ASMTL: variants seen among roughly 807,000 people sequenced by gnomAD.
The protein encoded by ASMTL is probable bifunctional dTTP/UTP pyrophosphatase/methyltransferase protein.
In ASMTL, 57 loss-of-function variants were observed where a neutral mutation model predicts 60.3. That is an observed-to-expected ratio of 0.95 (90% CI 0.76 to 1.18). The LOEUF (loss-of-function observed/expected upper bound fraction) is 1.18. Among genes scored for constraint, ASMTL ranks in the 50% most tolerant of loss-of-function variants. The pLI, the probability that ASMTL is intolerant of heterozygous loss-of-function variation, is 0.00. For synonymous variants in ASMTL, 419 were observed against 373.0 expected (o/e 1.12, Z -1.42); for missense variants, 981 against 852.6 (o/e 1.15, Z -1.88).
At chrX:1,429,864 C>G (rs2090720932) in intron 6 of ASMTL, among the ~76,000 whole-genome samples, 1 of 151,972 alleles carries the variant, frequency 6.6e-6, no homozygotes, top group South Asian at 2.1e-4. Flanking sequence ...TTAAATCAAG[C>G]CAATTATCCC....
chrX:1,406,861 A>G (rs1273337921), intron 12 of ASMTL, among the ~76,000 whole-genome samples: 5 of 150,966 alleles, frequency 3.3e-5, no homozygotes, highest in Admixed American at 3.3e-4. Flanking sequence ...AGATGGGTGC[A>G]TGGAACAGAT....
At chrX:1,434,686 C>T (rs1265272690) in intron 5 of ASMTL, among the ~76,000 whole-genome samples, 1 of 150,338 alleles carries the variant, frequency 6.7e-6, no homozygotes, top group African/African-American at 2.5e-5. Context: ...CACCTGTAAT[C>T]CCAGCTACTG....
intron 9 of ASMTL, among the ~76,000 whole-genome samples, chrX:1,419,530 G>A (rs1486878754): frequency 3.3e-5 from 5 of 152,084 alleles, no homozygotes; most frequent in African/African-American, 1.2e-4. Context: ...GGTGCGGTGT[G>A]CAGAGGGGGC....
At chrX:1,449,955 CCAT>C (rs2091321234) in intron 1 of ASMTL, among the ~76,000 whole-genome samples, 1 of 150,712 alleles carries the variant, frequency 6.6e-6, no homozygotes, top group Non-Finnish European at 1.5e-5. Flanking sequence ...TAAATATGCC[CCAT>C]CATCACCAGT....
Position 1,425,619 on chromosome X carries a change from C to T in ASMTL, c.966G>A (p.Ala322=), listed in dbSNP as rs192536011. 5.3e-5 allele frequency: 85 copies of T among 1,613,800 alleles called. 1 individual carries two copies. The highest frequency in any genetic ancestry group is 7.7e-5 in the South Asian group (7 of 91,072). Residue 322 remains alanine, a synonymous_variant, in exon 8 of 13, where the codon GCG becomes GCA. Coordinates refer to ENST00000381317, the MANE Select transcript of ASMTL (RefSeq NM_004192.4). ...LLKDEAPQKA[A]DIASKVDASA... The stretch of plus-strand genomic sequence containing the variant: ...AGGCGTCCACTTTGCTGGCAATATC[C>T]GCAGCCTTCTGGGGTGCTTCATCTT...
chrX:1,432,055 C>A lies in ASMTL; in HGVS notation c.509+214G>T, dbSNP rs183090938. ...AGCCCAGCGTTGGCTCCCACCCTGC[C>A]CCTCTCTGTCCTGGGAGTTTGCCTC... is the stretch of plus-strand genomic sequence containing the variant. On this transcript the variant is annotated intron_variant, in intron 6 of 12. Transcript: ENST00000381317. 12,145 of 595,830 alleles carry A rather than the reference C, an allele frequency of 0.02. 183 individuals are homozygous for A. Among genetic ancestry groups the A allele is most frequent in the Middle Eastern group, 0.044 (97 of 2,228 alleles). The allele number at this position is 595,830 out of a possible 1,614,324, so 36.9% of individuals were successfully genotyped here.
chrX:1,438,741 A>G (rs2091036558), intron 3 of ASMTL, among the ~76,000 whole-genome samples: 13 of 152,146 alleles, frequency 8.5e-5, no homozygotes, highest in Admixed American at 8.5e-4. Context: ...CTTGCAATTG[A>G]TATCATATAG....
At chrX:1,412,660 G>A in intron 12 of ASMTL, 72 bp downstream of exon 12, 1 of 1,605,410 alleles carries the variant, frequency 6.2e-7, no homozygotes, top group Admixed American at 1.7e-5. Context: ...ACCGCGCCCG[G>A]CCTCCTTGTA....
At chrX:1,453,030 CT>C (rs773310464), upstream of ASMTL, 5 of 526,108 alleles carry the variant, frequency 9.5e-6, no homozygotes, top group African/African-American at 1.5e-4. Flanking sequence ...CAGGCCACGC[CT>C]CCATTGAACA....
At chrX:1,442,526 CGGACTGACCAGGGGCCTTCAG>C (rs2091131920) in intron 1 of ASMTL, among the ~76,000 whole-genome samples, 1 of 151,926 alleles carries the variant, frequency 6.6e-6, no homozygotes, top group African/African-American at 2.4e-5. Context: ...TAGTGGGCCG[CGGACTGACCAGGGGCCTTCAG>C]GGACTGACCA....
chrX:1,438,678 T>C (rs1408097398), intron 3 of ASMTL, among the ~76,000 whole-genome samples: 2 of 152,322 alleles, frequency 1.3e-5, no homozygotes, highest in African/African-American at 2.4e-5. Flanking sequence ...TTCTGTATCA[T>C]TGATGATATA....
rs1207730674 is a variant in ASMTL, at chrX:1,432,316, C to G, written c.462G>C (p.Glu154Asp). The change falls in exon 6 of 13, where the codon GAG becomes GAC. Residue 154 changes from glutamate to aspartate, a missense_variant. By Grantham distance (45) the Glu-to-Asp change is conservative. Coordinates refer to ENST00000381317, the MANE Select transcript of ASMTL (RefSeq NM_004192.4). ...ATTCCCAGAGCAGCTCCTCGGACAG[C>G]TCCGAGAACTTCACCTTCGTTTCCT... is the stretch of plus-strand genomic sequence containing the variant. ...FYEETKVKFS[E>D]LSEELLWEYV... 3.1e-6 allele frequency: 5 copies of G among 1,613,278 alleles called. No individual in the cohort carries two copies. The highest frequency in any genetic ancestry group is 2.5e-6 in the Non-Finnish European group (3 of 1,179,744).
chrX:1,431,023 C>A (rs1569533706), intron 6 of ASMTL, among the ~76,000 whole-genome samples: 1 of 128,900 alleles, frequency 7.8e-6, no homozygotes, highest in African/African-American at 3.1e-5. Context: ...TATTAATATG[C>A]AGTTACATAT....
chrX:1,412,273 G>A (rs1465315453), intron 12 of ASMTL, among the ~76,000 whole-genome samples: 1 of 152,112 alleles, frequency 6.6e-6, no homozygotes, highest in Non-Finnish European at 1.5e-5. Context: ...CGTCGCCCAG[G>A]CTGGAGTGCA....
In ASMTL at chrX:1,441,242, G is replaced by A. The variant is rs540778715; in HGVS notation, c.225+944C>T. Among the ~76,000 whole-genome samples, 202 of 152,090 alleles carry A rather than the reference G, an allele frequency of 1.3e-3. 2 individuals are homozygous for A. The highest frequency in any genetic ancestry group is 4.4e-3 in the African/African-American group (183 of 41,514). ...GCTACATTAATTGTATATCATCAAC[G>A]AGACTATTATATTGATTGCAAGATA... On this transcript the variant is annotated intron_variant, in intron 2 of 12. Coordinates refer to ENST00000381317, the MANE Select transcript of ASMTL (RefSeq NM_004192.4).
At chrX:1,447,595 C>G (rs1290334019) in intron 1 of ASMTL, among the ~76,000 whole-genome samples, 5 of 151,422 alleles carry the variant, frequency 3.3e-5, no homozygotes, top group South Asian at 2.1e-4. Flanking sequence ...TGGAGACACA[C>G]CATCTTGGAC....
chrX:1,436,352 T>A (rs2090963486), intron 3 of ASMTL, among the ~76,000 whole-genome samples: 1 of 151,930 alleles, frequency 6.6e-6, no homozygotes, highest in Admixed American at 6.6e-5. Context: ...TTTTGTTATT[T>A]TTTATTTATT....
At chrX:1,445,849 A>G (rs1223680407) in intron 1 of ASMTL, among the ~76,000 whole-genome samples, 2 of 152,116 alleles carry the variant, frequency 1.3e-5, no homozygotes, top group Non-Finnish European at 2.9e-5. Context: ...CTGAGGGGAC[A>G]TGGTGAGGTG....
At chrX:1,440,385 C>G (rs1328195462) in intron 2 of ASMTL, among the ~76,000 whole-genome samples, 3 of 151,706 alleles carry the variant, frequency 2.0e-5, no homozygotes, top group African/African-American at 7.3e-5. Context: ...CCACTGCACC[C>G]GGCCCCGAAT....
Sources: allele counts gnomAD v4.1 joint callset (sites outside exome capture counted in the v4.1 genomes callset), GRCh38; gene constraint gnomAD v4.1.1; transcripts MANE v1.5; gene names NCBI Gene and HGNC (gene_info 2026-07-23, HGNC 2026-07-21).